ZNF507: variants seen among roughly 807,000 people sequenced by gnomAD.
The protein encoded by ZNF507 is zinc finger protein 507.
Under a neutral mutation model 80.0 loss-of-function variants are expected in ZNF507, and 29 were observed. The ratio of observed to expected loss-of-function variants is 0.36; its 90% CI spans 0.27 to 0.49. The LOEUF (loss-of-function observed/expected upper bound fraction) is 0.49. ZNF507 is among the 20% of genes least tolerant of loss of function. The pLI is 0.98. For synonymous variants in ZNF507, 462 were observed against 422.5 expected (o/e 1.09, Z -1.15); for missense variants, 1,081 against 1,152.2 (o/e 0.94, Z 0.90).
At chr19:32,368,236 A>T (rs529418890) in intron 5 of ZNF507, among the ~76,000 whole-genome samples, 1 of 152,206 alleles carries the variant, frequency 6.6e-6, no homozygotes, top group Non-Finnish European at 1.5e-5. Context: ...TTTGGAAAGG[A>T]CGCAGTAGAG....
intron 5 of ZNF507, among the ~76,000 whole-genome samples, chr19:32,375,250 T>A (rs1599557742): frequency 6.6e-6 from 1 of 152,298 alleles, no homozygotes; most frequent in East Asian, 1.9e-4. Context: ...ACTACTGGCA[T>A]TTAGTGAGTA....
chr19:32,367,833 T>C (rs1406350180), intron 5 of ZNF507, among the ~76,000 whole-genome samples: 1 of 152,220 alleles, frequency 6.6e-6, no homozygotes, highest in Non-Finnish European at 1.5e-5. Context: ...TAGTCAGTTA[T>C]TGTATGGGAT....
intron 5 of ZNF507, among the ~76,000 whole-genome samples, chr19:32,375,360 C>A (rs1293076888): frequency 2.6e-5 from 4 of 152,186 alleles, no homozygotes; most frequent in Non-Finnish European, 5.9e-5. Flanking sequence ...GGCCAAGAAA[C>A]TCTTCTAGAT....
chr19:32,367,268 G>A (rs1372322548), intron 5 of ZNF507, among the ~76,000 whole-genome samples: 1 of 152,168 alleles, frequency 6.6e-6, no homozygotes, highest in African/African-American at 2.4e-5. Context: ...CAAGCCATTC[G>A]TAAGGGATCC....
At position 32,383,032 on chromosome 19, in the gene ZNF507, T is replaced by C; in HGVS notation, c.2811T>C (p.Ile937=). The change falls in exon 7 of 7, where the codon ATT becomes ATC. Residue 937 remains isoleucine, a synonymous_variant. Transcript: ENST00000355898. ...ATATGAAAGAGCACGAGGGTGAAAT[T>C]GTAAACATCATCCTGAATAAGGACC... ...LDHMKEHEGE[I]VNIILNKDHN... is the part of the protein sequence containing the mutation. The C allele has an allele frequency of 6.2e-7, 1 of 1,614,142 alleles. No homozygotes were observed. Among genetic ancestry groups the C allele is most frequent in the Non-Finnish European group, 8.5e-7 (1 of 1,180,002 alleles).
chr19:32,381,043 A>G (rs1464656733), intron 5 of ZNF507, among the ~76,000 whole-genome samples: 1 of 152,224 alleles, frequency 6.6e-6, no homozygotes, highest in Non-Finnish European at 1.5e-5. Flanking sequence ...CAAACAAACT[A>G]TGATACATCC....
intron 5 of ZNF507, among the ~76,000 whole-genome samples, chr19:32,364,265 A>G (rs2145328398): frequency 2.0e-5 from 3 of 152,262 alleles, no homozygotes; most frequent in Middle Eastern, 6.8e-3. Flanking sequence ...GCTATTAATA[A>G]CTTTGTTCTT....
At chr19:32,363,496 C>G (rs1967357535) in intron 5 of ZNF507, among the ~76,000 whole-genome samples, 1 of 152,140 alleles carries the variant, frequency 6.6e-6, no homozygotes, top group African/African-American at 2.4e-5. Flanking sequence ...TCATGGATCC[C>G]TGGTTCTGGG....
intron 5 of ZNF507, among the ~76,000 whole-genome samples, chr19:32,381,146 GA>G (rs1245262252): frequency 6.6e-6 from 1 of 152,078 alleles, no homozygotes; most frequent in Non-Finnish European, 1.5e-5. Context: ...CCAATTATGT[GA>G]TCTTCTGGGA....
chr19:32,378,658 AAAG>A lies in ZNF507; in HGVS notation c.2361-3808_2361-3806del, dbSNP rs1471724165. On this transcript the variant is annotated intron_variant, in intron 5 of 6. Transcript: ENST00000355898. ...TAGAAGCTTTTTTTTTTTAAAAAAA[AAAG>A]GGAAAACAGTAAACAATAGCTCATC... Among the ~76,000 whole-genome samples, 9 of 151,966 alleles carry A rather than the reference AAAG, an allele frequency of 5.9e-5. No individual in the cohort carries two copies. In the East Asian group the frequency reaches 7.7e-4, roughly 13 times the overall value.
Position 32,383,346 on chromosome 19 carries a change from C to A in ZNF507, c.*263C>A. ...AATCCTGTATTAACCCTCTGTCACC[C>A]CTTCTTAGTGTCGAGTGTATTTATT... On this transcript the variant is annotated 3_prime_UTR_variant, in exon 7 of 7. Coordinates refer to ENST00000355898, the MANE Select transcript of ZNF507 (RefSeq NM_001136156.2). 2.5e-6 allele frequency: 1 copy of A among 403,592 alleles called. No homozygotes were observed. The highest frequency in any genetic ancestry group is 4.5e-6 in the Non-Finnish European group (1 of 220,984). The allele number at this position is 403,592 out of a possible 1,614,324, so 25.0% of individuals were successfully genotyped here. A position where few individuals can be genotyped will look rare whatever the true frequency, so the allele number is the denominator to read the frequency against.
At position 32,354,793 on chromosome 19, in the gene ZNF507, T is replaced by C; in HGVS notation, c.1963T>C (p.Tyr655His). Residue 655 changes from tyrosine (Y) to histidine (H), a missense_variant, in exon 3 of 7, where the codon TAC (tyrosine) becomes CAC (histidine). Physicochemically the swap from Tyr to His is moderately conservative, Grantham distance 83. Around this residue, in one of 6 missense-constraint regions of ZNF507, gnomAD observed 614 missense variants for 583.9 expected, o/e 1.05. Coordinates refer to ENST00000355898, the MANE Select transcript of ZNF507 (RefSeq NM_001136156.2). ...LCHYTSGNKGYIKQHLRVHRQ... is the reference protein window; with the variant it reads ...LCHYTSGNKGHIKQHLRVHRQ... ...TCACTACACAAGTGGCAACAAGGGC[T>C]ACATCAAGCAGCACTTACGAGTCCA... 1 of 1,614,196 alleles carries C rather than the reference T, an allele frequency of 6.2e-7. No individual in the cohort carries two copies.
At chr19:32,381,174 G>C (rs1412241079) in intron 5 of ZNF507, among the ~76,000 whole-genome samples, 1 of 152,138 alleles carries the variant, frequency 6.6e-6, no homozygotes, top group African/African-American at 2.4e-5. Context: ...AAACTATGGA[G>C]TCAACAAAAA....
At chr19:32,348,625 G>A (rs1286538805) in intron 2 of ZNF507, among the ~76,000 whole-genome samples, 1 of 152,224 alleles carries the variant, frequency 6.6e-6, no homozygotes, top group Non-Finnish European at 1.5e-5. Flanking sequence ...AAAGATTTGA[G>A]AGAGTTGGTG....
At chr19:32,374,169 A>AAAACAC (rs1967512952) in intron 5 of ZNF507, among the ~76,000 whole-genome samples, 1 of 149,786 alleles carries the variant, frequency 6.7e-6, no homozygotes, top group Non-Finnish European at 1.5e-5. Flanking sequence ...CAAAGCAAGG[A>AAAACAC]ACACACACAC....
intron 4 of ZNF507, chr19:32,357,074 T>C: frequency 9.7e-6 from 2 of 206,304 alleles, no homozygotes; most frequent in Non-Finnish European, 2.0e-5. Context: ...CGGCACCAGT[T>C]GACCTACTGA....
rs755409752 is a variant in ZNF507 at position 32,354,067 on chromosome 19, C to T, written c.1237C>T (p.Arg413Cys). 1.2e-5 allele frequency: 20 copies of T among 1,613,914 alleles called. No individual in the cohort carries two copies. The highest frequency in any genetic ancestry group is 3.3e-5 in the Admixed American group (2 of 59,990). Residue 413 changes from arginine (R) to cysteine (C), a missense_variant, in exon 3 of 7, where the codon CGC (arginine) becomes TGC (cysteine). Transcript: ENST00000355898. ...TGCTGAAGAAACCCTTTCACAGAAG[C>T]GCTTCCTCATGAACACTGAAATGGA... is the stretch of plus-strand genomic sequence containing the variant. ...PSAEETLSQKRFLMNTEMEEG... is the reference protein window; with the variant it reads ...PSAEETLSQKCFLMNTEMEEG...
At chr19:32,381,530 G>A (rs1967622301) in intron 5 of ZNF507, among the ~76,000 whole-genome samples, 1 of 152,040 alleles carries the variant, frequency 6.6e-6, no homozygotes, top group Admixed American at 6.6e-5. Context: ...AACCCAGGAG[G>A]CAGAGGTTGC....
intron 5 of ZNF507, chr19:32,381,902 C>T (rs1967628096): frequency 6.6e-6 from 1 of 152,078 alleles, no homozygotes; most frequent in South Asian, 2.1e-4. Flanking sequence ...TCAGATTTTA[C>T]CAAGTGTACT....
Sources: allele counts gnomAD v4.1 joint callset (sites outside exome capture counted in the v4.1 genomes callset), GRCh38; gene constraint gnomAD v4.1.1; regional missense constraint gnomAD v4.1.1; transcripts MANE v1.5; gene names NCBI Gene and HGNC (gene_info 2026-07-23, HGNC 2026-07-21).